MAP1LC3B: variants seen among roughly 807,000 people sequenced by gnomAD.
MAP1LC3B encodes microtubule associated protein 1 light chain 3 beta.
MAP1LC3B carries 12 observed loss-of-function variants against 16.7 expected under a neutral mutation model. That is an observed-to-expected ratio of 0.72 (90% CI 0.46 to 1.16). The LOEUF (loss-of-function observed/expected upper bound fraction) is 1.16. MAP1LC3B is among the 50% of genes most tolerant of loss of function. MAP1LC3B has a pLI of 0.00. For synonymous variants in MAP1LC3B, 63 were observed against 56.5 expected (o/e 1.11, Z -0.51); for missense variants, 155 against 159.5 (o/e 0.97, Z 0.15).
Position 87,398,800 on chromosome 16 carries a change from T to A in MAP1LC3B, c.41-15T>A. 1 of 1,613,910 alleles carries A rather than the reference T, an allele frequency of 6.2e-7. No homozygotes were observed. Among genetic ancestry groups the A allele is most frequent in the Non-Finnish European group, 8.5e-7 (1 of 1,179,750 alleles). ...TGGCCCTTAGTAATGCTTCTGTCTCTTCATTTCATTGCAGAACAAAGAGTA... is the reference window on the plus strand; with the variant it reads ...TGGCCCTTAGTAATGCTTCTGTCTCATCATTTCATTGCAGAACAAAGAGTA... On this transcript the variant is annotated splice_polypyrimidine_tract_variant and intron_variant, in intron 1 of 3. Transcript: ENST00000268607.
intron 2 of MAP1LC3B, 50 bp downstream of exon 2, chr16:87,398,920 GCAC>G (rs1486510019): frequency 6.6e-7 from 1 of 1,522,430 alleles, no homozygotes; most frequent in Admixed American, 1.7e-5. Flanking sequence ...GCAGAGGAGA[GCAC>G]CGCATAAGTG....
intron 3 of MAP1LC3B, 159 bp downstream of exon 3, chr16:87,402,440 T>TA (rs1908028432): frequency 2.8e-6 from 2 of 712,164 alleles, no homozygotes; most frequent in African/African-American, 1.8e-5. Context: ...AATTTCAACT[T>TA]AAACTATAAA....
Position 87,403,603 on chromosome 16 carries a change from C to T in MAP1LC3B, c.*506C>T, listed in dbSNP as rs925533251. The T allele has an allele frequency of 6.5e-6, 1 of 153,276 alleles. No individual in the cohort carries two copies. Among genetic ancestry groups the T allele is most frequent in the African/African-American group, 2.4e-5 (1 of 41,416 alleles). 9.5% of individuals were successfully genotyped at this position (153,276 alleles called of 1,614,324 possible). A position where few individuals can be genotyped will look rare whatever the true frequency, so the allele number is the denominator to read the frequency against. ...AACCCCCGCAAAACGCATTTGCCAT[C>T]ACAGTTGGCACAAACGCAGGGTAAA... On this transcript the variant is annotated 3_prime_UTR_variant, in exon 4 of 4. Transcript: ENST00000268607.
intron 2 of MAP1LC3B, 172 bp downstream of exon 2, chr16:87,399,042 C>A (rs557433219): frequency 5.0e-6 from 3 of 602,528 alleles, no homozygotes; most frequent in Non-Finnish European, 8.9e-6. Flanking sequence ...GTCTCACTCT[C>A]TTTCCCAGGC....
At chr16:87,396,017 C>G (rs1484613741) in intron 1 of MAP1LC3B, among the ~76,000 whole-genome samples, 3 of 151,436 alleles carry the variant, frequency 2.0e-5, no homozygotes, top group Non-Finnish European at 2.9e-5. Context: ...CCCGCCATCA[C>G]GCCCAGCTAA....
At chr16:87,401,836 CTTT>C (rs550535300) in intron 2 of MAP1LC3B, among the ~76,000 whole-genome samples, 2,602 of 141,510 alleles carry the variant, frequency 0.018, 105 homozygotes, top group African/African-American at 0.064. Flanking sequence ...AGCCTGATGA[CTTT>C]TTTTTTTTTT....
At chr16:87,393,157 G>A (rs1907665323) in intron 1 of MAP1LC3B, 1 of 152,282 alleles carries the variant, frequency 6.6e-6, no homozygotes, top group Non-Finnish European at 1.5e-5. Flanking sequence ...TTGGCACCAG[G>A]AATACCGAAT....
chr16:87,397,443 C>T (rs1907845848), intron 1 of MAP1LC3B, among the ~76,000 whole-genome samples: 1 of 152,036 alleles, frequency 6.6e-6, no homozygotes, highest in Admixed American at 6.6e-5. Flanking sequence ...AGGGTGAAAC[C>T]CGTCTCTACT....
At chr16:87,398,357 A>C (rs753941098) in intron 1 of MAP1LC3B, among the ~76,000 whole-genome samples, 6 of 152,226 alleles carry the variant, frequency 3.9e-5, no homozygotes, top group Non-Finnish European at 8.8e-5. Context: ...GCACCATATC[A>C]TTAAAAAGCT....
chr16:87,400,683 T>G (rs1907960687), intron 2 of MAP1LC3B, among the ~76,000 whole-genome samples: 2 of 152,010 alleles, frequency 1.3e-5, no homozygotes, highest in Non-Finnish European at 2.9e-5. Flanking sequence ...ACTTACACAT[T>G]TATTAAAACA....
rs1339154251 is a variant in MAP1LC3B, at chr16:87,404,492, C to T, written c.*1395C>T. 6.6e-6 allele frequency: 1 copy of T among 152,140 alleles called. No homozygotes were observed. Among genetic ancestry groups the T allele is most frequent in the Non-Finnish European group, 1.5e-5 (1 of 68,072 alleles). 9.4% of individuals were successfully genotyped at this position (152,140 alleles called of 1,614,324 possible). A position where few individuals can be genotyped will look rare whatever the true frequency, so the allele number is the denominator to read the frequency against. ...GAGTTCCTGTCACCTGCTCCCCCCA[C>T]CCCCGCATGCGTCTGTCCACTTGGC... On this transcript the variant is annotated 3_prime_UTR_variant, in exon 4 of 4. Transcript: ENST00000268607.
chr16:87,394,478 A>G (rs1018209897), intron 1 of MAP1LC3B, among the ~76,000 whole-genome samples: 1 of 152,206 alleles, frequency 6.6e-6, no homozygotes, highest in African/African-American at 2.4e-5. Flanking sequence ...TTAATACTGA[A>G]TATAGCTCTG....
intron 1 of MAP1LC3B, among the ~76,000 whole-genome samples, chr16:87,396,307 T>C (rs1188382882): frequency 1.3e-5 from 2 of 150,942 alleles, no homozygotes; most frequent in East Asian, 4.0e-4. Context: ...AACCCCGTCT[T>C]TACTAAAAAT....
Position 87,393,618 on chromosome 16 carries a change from G to C in MAP1LC3B, c.40+1151G>C, listed in dbSNP as rs72806240. Reference sequence around the variant, plus strand: ...TTCAGACAGCCTCTTGAGGCAGTCCGTTGGTTAGCAAGACTTACACGTGCC... The same window carrying C: ...TTCAGACAGCCTCTTGAGGCAGTCCCTTGGTTAGCAAGACTTACACGTGCC... On this transcript the variant is annotated intron_variant, in intron 1 of 3. Transcript: ENST00000268607. Among the ~76,000 whole-genome samples the C allele has an allele frequency of 1.9e-3, 286 of 152,306 alleles. 2 individuals are homozygous for C. The highest frequency in any genetic ancestry group is 3.5e-3 in the Non-Finnish European group (236 of 68,024).
intron 2 of MAP1LC3B, chr16:87,399,556 G>T (rs1487965961): frequency 2.2e-6 from 1 of 447,022 alleles, no homozygotes; most frequent in Non-Finnish European, 4.5e-6. Flanking sequence ...AGCATGTAAA[G>T]ATTTCCCATT....
chr16:87,402,528 T>C, intron 3 of MAP1LC3B: 1 of 560,630 alleles, frequency 1.8e-6, no homozygotes, highest in Non-Finnish European at 3.1e-6. Flanking sequence ...CGTTTAGATG[T>C]TTCCTGTTTA....
At position 87,403,200 on chromosome 16, in the gene MAP1LC3B, A is replaced by T. The variant is rs1168397776; in HGVS notation, c.*103A>T. ...CGATCAGTTCATCCAATCACAGATCATGAAACAGTAGTGTTCCCACCTAGG... is the reference window on the plus strand; with the variant it reads ...CGATCAGTTCATCCAATCACAGATCTTGAAACAGTAGTGTTCCCACCTAGG... On this transcript the variant is annotated 3_prime_UTR_variant, in exon 4 of 4. Coordinates refer to ENST00000268607, the MANE Select transcript of MAP1LC3B (RefSeq NM_022818.5). The T allele has an allele frequency of 7.0e-7, 1 of 1,436,714 alleles. No homozygotes were observed. The highest frequency in any genetic ancestry group is 9.4e-7 in the Non-Finnish European group (1 of 1,062,244). The allele number at this position is 1,436,714 out of a possible 1,614,324, so 89.0% of individuals were successfully genotyped here.
intron 3 of MAP1LC3B, 109 bp from the exon 4 acceptor site, chr16:87,402,814 A>AT: frequency 1.5e-6 from 2 of 1,302,954 alleles, no homozygotes; most frequent in Non-Finnish European, 1.1e-6. Context: ...ATTCAAGAGC[A>AT]TTTAGAACAT....
At chr16:87,398,773 C>T in intron 1 of MAP1LC3B, 42 bp from the exon 2 acceptor site, 1 of 1,591,482 alleles carries the variant, frequency 6.3e-7, no homozygotes, top group Non-Finnish European at 8.6e-7. Flanking sequence ...GAAGAAGCTG[C>T]CTGGCCCTTA....
Sources: gnomAD v4.1 joint callset for allele counts (sites outside exome capture counted in the v4.1 genomes callset) on GRCh38, gnomAD v4.1.1 for gene constraint, MANE v1.5 for transcripts, NCBI Gene and HGNC (gene_info 2026-07-23, HGNC 2026-07-21) for gene names.